The following GATD1 variants were observed in gnomAD, a reference collection of about 807,000 sequenced individuals.
GATD1 encodes the protein glutamine amidotransferase class 1 domain containing 1.
GATD1 carries 23 observed loss-of-function variants against 25.9 expected under a neutral mutation model. The ratio of observed to expected loss-of-function variants is 0.89; its 90% CI spans 0.64 to 1.26. GATD1 has a LOEUF of 1.26. GATD1 is among the 50% of genes most tolerant of loss of function. The probability of loss-of-function intolerance (pLI) is 0.00; values close to 1 mark genes in which losing one functional copy is unlikely to be tolerated. For synonymous variants in GATD1, 177 were observed against 134.6 expected, an observed-to-expected ratio of 1.31 and a Z score of -2.18; for missense variants, 347 against 312.5, an observed-to-expected ratio of 1.11 and a Z score of -0.83.
chr11:772,907 G>A (rs1863592350), intron 4 of GATD1, among the ~76,000 whole-genome samples: 1 of 152,210 alleles, frequency 6.6e-6, no homozygotes, highest in Non-Finnish European at 1.5e-5. Flanking sequence ...TAGACAGGAC[G>A]CCCCTGGGCA....
In GATD1 at chr11:770,841, GGGGCTGCCTCTGGAGACACCT is replaced by G. The variant is rs1863362511; in HGVS notation, c.*35_*55del. ...AGGCGGGGTCCCTGAAGCCTGAGAC[GGGGCTGCCTCTGGAGACACCT>G]GGGCTGTCTCAGGGGGTGCATCTAC... On this transcript the variant is annotated 3_prime_UTR_variant, in exon 8 of 8. Transcript: ENST00000319863. 6.4e-7 allele frequency: 1 copy of G among 1,560,234 alleles called. No individual in the cohort carries two copies. Among genetic ancestry groups the G allele is most frequent in the Non-Finnish European group, 8.7e-7 (1 of 1,149,720 alleles).
At chr11:771,753 G>A (rs992601170) in intron 5 of GATD1, among the ~76,000 whole-genome samples, 4 of 152,140 alleles carry the variant, frequency 2.6e-5, no homozygotes, top group Non-Finnish European at 4.4e-5. Flanking sequence ...GGCACCCTCT[G>A]GGCAGGAGTG....
chr11:776,209 T>C (rs1235123063), intron 1 of GATD1, among the ~76,000 whole-genome samples: 1 of 152,040 alleles, frequency 6.6e-6, no homozygotes, highest in Non-Finnish European at 1.5e-5. Flanking sequence ...TCTCGATCTC[T>C]TGACCTCGTG....
In GATD1 at chr11:773,599, C is replaced by G. The variant is rs1863665827; in HGVS notation, c.278G>C (p.Ser93Thr). ...CAGGTCGGTCAGGGCCCCAGGACAG[C>G]TGGGGATCAGGAGGGCATGGTACCG... ...GARYHALLIP[S>T]CPGALTDLAS... Residue 93 changes from serine to threonine, a missense_variant, in exon 4 of 8, where the codon AGC becomes ACC. Transcript: ENST00000319863. 6.2e-7 allele frequency: 1 copy of G among 1,608,376 alleles called. No individual in the cohort carries two copies. Among genetic ancestry groups the G allele is most frequent in the Non-Finnish European group, 8.5e-7 (1 of 1,178,500 alleles).
At chr11:773,881 G>A in intron 3 of GATD1, 127 bp downstream of exon 3, 1 of 818,682 alleles carries the variant, frequency 1.2e-6, no homozygotes, top group South Asian at 1.7e-5. Context: ...GCTGGAGGCT[G>A]CCCCAAATGG....
At chr11:774,659 C>T (rs374597695) in intron 2 of GATD1, among the ~76,000 whole-genome samples, 2 of 152,326 alleles carry the variant, frequency 1.3e-5, no homozygotes, top group East Asian at 3.9e-4. Context: ...GGTGAAAACC[C>T]ATCTCTACTA....
intron 4 of GATD1, 155 bp from the exon 5 acceptor site, chr11:772,676 T>G: frequency 3.0e-6 from 2 of 662,204 alleles, no homozygotes; most frequent in African/African-American, 1.8e-5. Context: ...CACCCGGGTG[T>G]CCTGGCTCAG....
intron 1 of GATD1, chr11:777,086 G>A (rs896745247): frequency 1.7e-5 from 4 of 229,944 alleles, no homozygotes; most frequent in African/African-American, 2.3e-5. Context: ...CGCTAGAAAC[G>A]TCGGGCCCGG....
rs1217096692 is a variant in GATD1, at chr11:769,344, C to CGG, written c.*1551_*1552dup. ...ATTTTATTATTTTTTATTTTTGAGA[C>CGG]GGAGTTTCACTCATTGCCCAGGTTG... is the stretch of plus-strand genomic sequence containing the variant. On this transcript the variant is annotated 3_prime_UTR_variant, in exon 8 of 8. Coordinates refer to ENST00000319863, the MANE Select transcript of GATD1 (RefSeq NM_182612.4). 2 of 971,242 alleles carry CGG rather than the reference C, an allele frequency of 2.1e-6. No individual in the cohort carries two copies. The highest frequency in any genetic ancestry group is 2.4e-6 in the Non-Finnish European group (2 of 817,176). The allele number at this position is 971,242 out of a possible 1,614,324, so 60.2% of individuals were successfully genotyped here. A position where few individuals can be genotyped will look rare whatever the true frequency, so the allele number is the denominator to read the frequency against.
Position 772,446 on chromosome 11 carries a change from T to C in GATD1, c.431A>G (p.Asp144Gly), listed in dbSNP as rs1326048967. The C allele has an allele frequency of 6.2e-7, 1 of 1,613,442 alleles. No individual in the cohort carries two copies. The highest frequency in any genetic ancestry group is 1.7e-5 in the Admixed American group (1 of 60,026). The change falls in exon 5 of 8, where the codon GAC (aspartate) becomes GGC (glycine). Residue 144 changes from aspartate to glycine, a missense_variant. By Grantham distance (94) the Asp-to-Gly change is moderately conservative. Transcript: ENST00000319863. ...ACTCACCCCTGTCAGGCTGTAGCTG[T>C]CGAACACCCAGGATCTGTCCTCGTT... Reference protein sequence around the residue: ...ATNEDRSWVFDSYSLTGPSVC... With the variant: ...ATNEDRSWVFGSYSLTGPSVC...
At chr11:777,141 C>T in intron 1 of GATD1, 1 of 286,028 alleles carries the variant, frequency 3.5e-6, no homozygotes, top group Non-Finnish European at 6.5e-6. Context: ...GACGCGGCGC[C>T]GGGATCCATC....
intron 5 of GATD1, among the ~76,000 whole-genome samples, chr11:771,754 G>T (rs1863468319): frequency 6.6e-6 from 1 of 152,116 alleles, no homozygotes; most frequent in East Asian, 1.9e-4. Flanking sequence ...GCACCCTCTG[G>T]GCAGGAGTGA....
intron 2 of GATD1, among the ~76,000 whole-genome samples, 153 bp from the exon 3 acceptor site, chr11:774,266 G>A (rs991133097): frequency 3.9e-5 from 6 of 152,238 alleles, no homozygotes; most frequent in African/African-American, 1.4e-4. Context: ...GATCTCCCAG[G>A]GTCGGGGAGC....
intron 1 of GATD1, 142 bp from the exon 2 acceptor site, chr11:775,284 T>A: frequency 1.6e-6 from 1 of 626,934 alleles, no homozygotes; most frequent in Non-Finnish European, 2.7e-6. Flanking sequence ...GAACGACTAC[T>A]TGAAGCCCTG....
Position 769,092 on chromosome 11 carries a change from A to T in GATD1, c.*1805T>A. The stretch of plus-strand genomic sequence containing the variant: ...CTCCAGCCTGGGTGACGAGAGACAA[A>T]CTCCATCTCAAAAAATAAATAAAAT... On this transcript the variant is annotated 3_prime_UTR_variant, in exon 8 of 8. Transcript: ENST00000319863. 1 of 945,480 alleles carries T rather than the reference A, an allele frequency of 1.1e-6. No individual in the cohort carries two copies. Among genetic ancestry groups the T allele is most frequent in the Non-Finnish European group, 1.2e-6 (1 of 808,636 alleles). 58.6% of individuals were successfully genotyped at this position (945,480 alleles called of 1,614,324 possible). A position where few individuals can be genotyped will look rare whatever the true frequency, so the allele number is the denominator to read the frequency against.
chr11:767,471 C>G lies in GATD1; in HGVS notation c.*3426G>C, dbSNP rs1349196401. The G allele has an allele frequency of 1.4e-6, 2 of 1,448,450 alleles. No individual in the cohort carries two copies. The highest frequency in any genetic ancestry group is 2.5e-5 in the East Asian group (1 of 40,052). 89.7% of individuals were successfully genotyped at this position (1,448,450 alleles called of 1,614,324 possible). A position where few individuals can be genotyped will look rare whatever the true frequency, so the allele number is the denominator to read the frequency against. On this transcript the variant is annotated 3_prime_UTR_variant, in exon 8 of 8. Coordinates refer to ENST00000319863, the MANE Select transcript of GATD1 (RefSeq NM_182612.4). Reference sequence around the variant, plus strand: ...CGCAGGGGCCTGCAGGCAGCTCACGCGGAGACAGGTCTGTGGGGCCCCGCG... The same window carrying G: ...CGCAGGGGCCTGCAGGCAGCTCACGGGGAGACAGGTCTGTGGGGCCCCGCG...
rs552084099 is a variant in GATD1, at chr11:767,643, C to T, written c.*3254G>A. ...TGGCCTGAGCACGTCCCCCCAAAACCCACCTGCTTAAGTCCTCACCTGCAA... is the reference window on the plus strand; with the variant it reads ...TGGCCTGAGCACGTCCCCCCAAAACTCACCTGCTTAAGTCCTCACCTGCAA... On this transcript the variant is annotated 3_prime_UTR_variant, in exon 8 of 8. Coordinates refer to ENST00000319863, the MANE Select transcript of GATD1 (RefSeq NM_182612.4). 1.5e-6 allele frequency: 2 copies of T among 1,295,760 alleles called. No homozygotes were observed. Among genetic ancestry groups the T allele is most frequent in the African/African-American group, 3.0e-5 (2 of 67,094 alleles). 80.3% of individuals were successfully genotyped at this position (1,295,760 alleles called of 1,614,324 possible).
rs950343580 is a variant in GATD1, at chr11:770,065, T to C, written c.*832A>G. ...CTCAAACTGGGGAACTGTGAGGAAG[T>C]AGAGGGCCTAAGCCTCTCCTGGACG... On this transcript the variant is annotated 3_prime_UTR_variant, in exon 8 of 8. Transcript: ENST00000319863. 10 of 1,176,082 alleles carry C rather than the reference T, an allele frequency of 8.5e-6. No individual in the cohort carries two copies. In the African/African-American group the frequency reaches 1.1e-4, roughly 13 times the overall value. 72.9% of individuals were successfully genotyped at this position (1,176,082 alleles called of 1,614,324 possible). A position where few individuals can be genotyped will look rare whatever the true frequency, so the allele number is the denominator to read the frequency against.
At chr11:771,467 C>T in intron 5 of GATD1, 41 bp from the exon 6 acceptor site, 2 of 1,496,732 alleles carry the variant, frequency 1.3e-6, no homozygotes, top group Non-Finnish European at 8.9e-7. Flanking sequence ...AGGCCCAGGC[C>T]CTGCGGCCCA....
Sources: allele counts gnomAD v4.1 joint callset (sites outside exome capture counted in the v4.1 genomes callset), GRCh38; gene constraint gnomAD v4.1.1; transcripts MANE v1.5; gene names NCBI Gene and HGNC (gene_info 2026-07-23, HGNC 2026-07-21).